The following LCLAT1 variants were observed in gnomAD, a reference collection of about 807,000 sequenced individuals.
The protein encoded by LCLAT1 is lysocardiolipin acyltransferase 1, also known as 1-AGP acyltransferase 8.
Under a neutral mutation model 30.7 loss-of-function variants are expected in LCLAT1, and 11 were observed. That is an observed-to-expected ratio of 0.36 (90% CI 0.23 to 0.59). LCLAT1 has a LOEUF of 0.59. Among genes scored for constraint, LCLAT1 ranks in the 20% least tolerant of loss-of-function variants. The pLI, the probability that LCLAT1 is intolerant of heterozygous loss-of-function variation, is 0.77. For synonymous variants in LCLAT1, 155 were observed against 151.3 expected (o/e 1.02, Z -0.18); for missense variants, 402 against 458.6 (o/e 0.88, Z 1.13).
At chr2:30,539,612 T>C (rs1664030868) in intron 3 of LCLAT1, among the ~76,000 whole-genome samples, 1 of 152,204 alleles carries the variant, frequency 6.6e-6, no homozygotes. Flanking sequence ...TGGATCATGC[T>C]AAAGTAAATT....
At chr2:30,458,570 A>ATTTAAATTGACTT in intron 1 of LCLAT1, among the ~76,000 whole-genome samples, 1 of 152,318 alleles carries the variant, frequency 6.6e-6, no homozygotes, top group East Asian at 1.9e-4. Flanking sequence ...CAAGGATGTT[A>ATTTAAATTGACTT]TTTAAATTGA....
At chr2:30,538,549 C>T (rs1054200542) in intron 3 of LCLAT1, among the ~76,000 whole-genome samples, 14 of 151,764 alleles carry the variant, frequency 9.2e-5, no homozygotes, top group African/African-American at 2.2e-4. Flanking sequence ...GCAGGAGGAT[C>T]GCTTGAACCC....
At chr2:30,514,102 A>G (rs904761741) in intron 1 of LCLAT1, among the ~76,000 whole-genome samples, 2 of 152,236 alleles carry the variant, frequency 1.3e-5, no homozygotes, top group South Asian at 2.1e-4. Flanking sequence ...AGCTCTCTCA[A>G]TATAAACAGT....
chr2:30,536,484 T>C (rs1686249429), intron 3 of LCLAT1, among the ~76,000 whole-genome samples: 1 of 152,216 alleles, frequency 6.6e-6, no homozygotes, highest in South Asian at 2.1e-4. Flanking sequence ...GGATGATATA[T>C]TCAACATGCT....
At chr2:30,465,683 T>C (rs1682383435) in intron 1 of LCLAT1, among the ~76,000 whole-genome samples, 2 of 152,238 alleles carry the variant, frequency 1.3e-5, no homozygotes, top group African/African-American at 4.8e-5. Flanking sequence ...CAAAATGACA[T>C]TAAAATGAAA....
intron 5 of LCLAT1, among the ~76,000 whole-genome samples, chr2:30,625,346 C>T (rs1169833224): frequency 6.6e-6 from 1 of 151,980 alleles, no homozygotes; most frequent in Non-Finnish European, 1.5e-5. Flanking sequence ...GTGAGATTAA[C>T]CAAAAAATGA....
intron 5 of LCLAT1, among the ~76,000 whole-genome samples, chr2:30,601,377 T>G (rs761821763): frequency 3.3e-5 from 5 of 152,238 alleles, no homozygotes; most frequent in Non-Finnish European, 7.3e-5. Context: ...ATTACTTTTC[T>G]ACATGCCAAG....
intron 1 of LCLAT1, among the ~76,000 whole-genome samples, chr2:30,449,555 C>T (rs1313437681): frequency 6.7e-6 from 1 of 150,212 alleles, no homozygotes; most frequent in East Asian, 2.0e-4. Context: ...GGCTGGAGTG[C>T]AATGGCACGA....
intron 1 of LCLAT1, among the ~76,000 whole-genome samples, chr2:30,494,497 CTA>C (rs1447121345): frequency 6.6e-6 from 1 of 152,002 alleles, no homozygotes; most frequent in Non-Finnish European, 1.5e-5. Context: ...TTATTAAATG[CTA>C]TGATATACAA....
At chr2:30,531,045 C>T (rs145394908) in intron 2 of LCLAT1, among the ~76,000 whole-genome samples, 5 of 152,148 alleles carry the variant, frequency 3.3e-5, no homozygotes, top group East Asian at 1.9e-4. Context: ...GCGGGCGAGT[C>T]GCAAGTTCAG....
intron 3 of LCLAT1, among the ~76,000 whole-genome samples, chr2:30,536,980 T>G (rs1378397225): frequency 2.6e-5 from 4 of 151,912 alleles, no homozygotes; most frequent in Non-Finnish European, 4.4e-5. Flanking sequence ...AGAAACTGAC[T>G]TCACCCGTGA....
At chr2:30,471,607 T>G (rs1372827384) in intron 1 of LCLAT1, among the ~76,000 whole-genome samples, 1 of 152,254 alleles carries the variant, frequency 6.6e-6, no homozygotes, top group Non-Finnish European at 1.5e-5. Flanking sequence ...GTCTTTTACC[T>G]CCTTGGTTAA....
At chr2:30,476,712 G>A (rs1683065112) in intron 1 of LCLAT1, 1 of 307,010 alleles carries the variant, frequency 3.3e-6, no homozygotes, top group Admixed American at 3.9e-5. Flanking sequence ...TAAATGTAAT[G>A]TGCTTGAATC....
At chr2:30,468,561 A>G (rs1379687080) in intron 1 of LCLAT1, among the ~76,000 whole-genome samples, 2 of 152,114 alleles carry the variant, frequency 1.3e-5, no homozygotes, top group Non-Finnish European at 2.9e-5. Context: ...TGTACAAGAA[A>G]TTAAGCATTT....
rs757815757 is a variant in LCLAT1, at chr2:30,640,675, C to G, written c.*56C>G. The G allele has an allele frequency of 4.7e-5, 71 of 1,511,724 alleles. No individual in the cohort carries two copies. The highest frequency in any genetic ancestry group is 5.7e-5 in the Non-Finnish European group (65 of 1,133,674). The allele number at this position is 1,511,724 out of a possible 1,614,324, so 93.6% of individuals were successfully genotyped here. On this transcript the variant is annotated 3_prime_UTR_variant, in exon 6 of 6. Coordinates refer to ENST00000379509, the MANE Select transcript of LCLAT1 (RefSeq NM_001002257.3). ...AGCATATTTTGGAAATGTTCTAAAC[C>G]TTTCTAAGCTCAGATGCATTTTTGC...
chr2:30,590,355 ATTAG>A (rs1666635567), intron 5 of LCLAT1, among the ~76,000 whole-genome samples: 1 of 151,470 alleles, frequency 6.6e-6, no homozygotes, highest in Admixed American at 6.6e-5. Flanking sequence ...ACAATAGTTG[ATTAG>A]TTATTCCCTA....
intron 1 of LCLAT1, among the ~76,000 whole-genome samples, chr2:30,503,443 A>G (rs1206491816): frequency 6.6e-6 from 1 of 152,204 alleles, no homozygotes; most frequent in Non-Finnish European, 1.5e-5. Flanking sequence ...TATGTTTAAC[A>G]TTTTGAGGAC....
intron 5 of LCLAT1, among the ~76,000 whole-genome samples, chr2:30,629,064 A>G (rs368965991): frequency 6.6e-6 from 1 of 152,226 alleles, no homozygotes; most frequent in African/African-American, 2.4e-5. Flanking sequence ...GGATAAAGAA[A>G]ATGAAGCTGC....
At chr2:30,584,959 A>C (rs1210919250) in intron 5 of LCLAT1, among the ~76,000 whole-genome samples, 1 of 151,900 alleles carries the variant, frequency 6.6e-6, no homozygotes, top group Non-Finnish European at 1.5e-5. Flanking sequence ...AAAAAAAAAA[A>C]AAAAAAAACC....
Sources: allele counts gnomAD v4.1 joint callset (sites outside exome capture counted in the v4.1 genomes callset), GRCh38; gene constraint gnomAD v4.1.1; transcripts MANE v1.5; gene names NCBI Gene and HGNC (gene_info 2026-07-23, HGNC 2026-07-21).